The following UACA variants were observed in gnomAD, a reference collection of about 807,000 sequenced individuals.
UACA encodes the protein nuclear membrane binding protein.
A neutral mutation model predicts 160.5 loss-of-function variants in UACA; 112 were observed. The ratio of observed to expected loss-of-function variants is 0.70; its 90% CI spans 0.60 to 0.82. UACA has a LOEUF of 0.82. UACA is among the 40% of genes least tolerant of loss of function. The probability of loss-of-function intolerance (pLI) is 0.00; values close to 1 mark genes in which losing one functional copy is unlikely to be tolerated. For synonymous variants in UACA, 557 were observed against 568.4 expected (o/e 0.98, Z 0.29); for missense variants, 1,574 against 1,614.6 (o/e 0.97, Z 0.43).
intron 18 of UACA, 37 bp from the exon 19 acceptor site, chr15:70,657,164 TC>T: frequency 6.5e-7 from 1 of 1,545,954 alleles, no homozygotes. Flanking sequence ...TTATTTTATG[TC>T]ATCTTTGTTT....
At chr15:70,774,238 G>A in the UACA span, among the ~76,000 whole-genome samples, 5 of 151,964 alleles carry the variant, frequency 3.3e-5, no homozygotes, top group African/African-American at 9.7e-5. Flanking sequence ...GCTTCCAAAC[G>A]CTAAGTTATA....
intron 1 of UACA, among the ~76,000 whole-genome samples, chr15:70,706,984 T>A (rs1454971425): frequency 2.6e-5 from 4 of 152,152 alleles, no homozygotes; most frequent in African/African-American, 9.7e-5. Context: ...AAATAGGCAG[T>A]CTTGAAAAGG....
intron 17 of UACA, among the ~76,000 whole-genome samples, chr15:70,664,198 A>G (rs1896822849): frequency 6.6e-6 from 1 of 152,176 alleles, no homozygotes; most frequent in Non-Finnish European, 1.5e-5. Context: ...GTATAAAACC[A>G]TAGGAATGCC....
At chr15:70,702,992 G>GA (rs562333785) in intron 1 of UACA, 22,307 of 641,478 alleles carry the variant, frequency 0.035, no homozygotes, top group Non-Finnish European at 0.039. Context: ...TTCACTGGAT[G>GA]AAAAAAAAAA....
chr15:70,662,667 C>T (rs964436563), intron 17 of UACA, among the ~76,000 whole-genome samples: 42 of 152,080 alleles, frequency 2.8e-4, no homozygotes, highest in Non-Finnish European at 5.4e-4. Flanking sequence ...AACAGAGATA[C>T]AGACCAATGG....
At chr15:70,771,029 A>G in the UACA span, among the ~76,000 whole-genome samples, 1 of 152,232 alleles carries the variant, frequency 6.6e-6, no homozygotes, top group African/African-American at 2.4e-5. Context: ...ACAGCCAGAG[A>G]GCTCCCATTC....
intron 1 of UACA, among the ~76,000 whole-genome samples, chr15:70,700,969 AAAAAG>A (rs1269537928): frequency 2.0e-5 from 3 of 152,112 alleles, no homozygotes; most frequent in African/African-American, 4.8e-5. Flanking sequence ...CTATAAACCA[AAAAAG>A]AAAAGTTAAA....
At chr15:70,697,347 A>G (rs1898165852) in intron 2 of UACA, among the ~76,000 whole-genome samples, 2 of 152,354 alleles carry the variant, frequency 1.3e-5, no homozygotes, top group Non-Finnish European at 2.9e-5. Flanking sequence ...GCACTTTGAC[A>G]GCCTTGAGGA....
intron 3 of UACA, among the ~76,000 whole-genome samples, chr15:70,692,102 C>G (rs1219160446): frequency 6.6e-6 from 1 of 152,160 alleles, no homozygotes; most frequent in African/African-American, 2.4e-5. Context: ...AGGATTTAAC[C>G]AGGCTATTCC....
At chr15:70,680,097 T>G (rs1202555542) in intron 9 of UACA, 1 of 150,836 alleles carries the variant, frequency 6.6e-6, no homozygotes, top group Admixed American at 6.6e-5. Flanking sequence ...AATACAGAAA[T>G]TATTTACTTC....
Position 70,703,294 on chromosome 15 carries a change from C to T in UACA, c.79-3634G>A, listed in dbSNP as rs993315842. 51 of 1,283,530 alleles carry T rather than the reference C, an allele frequency of 4.0e-5. No individual in the cohort carries two copies. In the Admixed American group the frequency reaches 1.2e-3, roughly 30 times the overall value. 79.5% of individuals were successfully genotyped at this position (1,283,530 alleles called of 1,614,324 possible). A position where few individuals can be genotyped will look rare whatever the true frequency, so the allele number is the denominator to read the frequency against. Reference sequence around the variant, plus strand: ...TTGTTTCATGGGAATGCAAAACATTCCAACACAAGTGTTTACAGGAAGGAA... The same window carrying T: ...TTGTTTCATGGGAATGCAAAACATTTCAACACAAGTGTTTACAGGAAGGAA... On this transcript the variant is annotated intron_variant, in intron 1 of 18. Transcript: ENST00000322954.
At chr15:70,747,224 T>C (rs1357523537) in intron 1 of UACA, among the ~76,000 whole-genome samples, 1 of 151,144 alleles carries the variant, frequency 6.6e-6, no homozygotes, top group Non-Finnish European at 1.5e-5. Context: ...CAGAAACGAA[T>C]GGTGTTTGTT....
chr15:70,676,978 T>C, intron 12 of UACA, 130 bp downstream of exon 12: 3 of 700,126 alleles, frequency 4.3e-6, no homozygotes, highest in South Asian at 2.3e-5. Context: ...TCTATAGATT[T>C]TGAATTTCCC....
chr15:70,671,865 C>CT, intron 14 of UACA, 100 bp downstream of exon 14: 1 of 986,444 alleles, frequency 1.0e-6, no homozygotes, highest in Non-Finnish European at 1.4e-6. Context: ...GCAGGAATAT[C>CT]TTGTACAGTT....
At chr15:70,693,310 C>T (rs1484654601) in intron 3 of UACA, among the ~76,000 whole-genome samples, 1 of 152,146 alleles carries the variant, frequency 6.6e-6, no homozygotes, top group Non-Finnish European at 1.5e-5. Flanking sequence ...AGCATACCAA[C>T]ATAAATTACA....
At chr15:70,659,395 G>GTTTTTTTTTTTTTTTTGTTTT (rs1896608826) in intron 18 of UACA, among the ~76,000 whole-genome samples, 1 of 18,818 alleles carries the variant, frequency 5.3e-5, no homozygotes, top group African/African-American at 1.8e-4. Flanking sequence ...TTTTTTGTTT[G>GTTTTTTTTTTTTTTTTGTTTT]TTTTTTTTTT....
intron 16 of UACA, 86 bp from the exon 17 acceptor site, chr15:70,664,900 G>A (rs1896850571): frequency 1.6e-6 from 2 of 1,268,196 alleles, no homozygotes; most frequent in Non-Finnish European, 1.1e-6. Context: ...CCTTTTTGGA[G>A]ACAGAAGCTT....
Position 70,689,528 on chromosome 15 carries a change from T to C in UACA, c.424+926A>G, listed in dbSNP as rs566906852. ...AAATGCATTGTGTGAGAAATTATCA[T>C]ACAAATAAAATACAAAAAGCAAAAT... On this transcript the variant is annotated intron_variant, in intron 5 of 18. Transcript: ENST00000322954. 1.3e-3 allele frequency among the ~76,000 whole-genome samples: 196 copies of C among 152,242 alleles called. 3 individuals carry two copies. The Middle Eastern group carries it at 0.017, about 13-fold the overall frequency.
intron 13 of UACA, among the ~76,000 whole-genome samples, chr15:70,675,424 A>T (rs1005702405): frequency 1.3e-5 from 2 of 152,238 alleles, no homozygotes; most frequent in Admixed American, 6.5e-5. Context: ...TGTATAATAC[A>T]ATGAATTTTT....
Sources: gnomAD v4.1 joint callset for allele counts (sites outside exome capture counted in the v4.1 genomes callset) on GRCh38, gnomAD v4.1.1 for gene constraint, MANE v1.5 for transcripts, NCBI Gene and HGNC (gene_info 2026-07-23, HGNC 2026-07-21) for gene names.